Variants in THEMIS2 observed in about 807,000 individuals in gnomAD.
THEMIS2 encodes protein THEMIS2.
THEMIS2 carries 29 observed loss-of-function variants against 46.8 expected under a neutral mutation model. The observed-to-expected ratio is 0.62, with a 90% CI of 0.46 to 0.84. The LOEUF is 0.84. Among genes scored for constraint, THEMIS2 ranks in the 40% least tolerant of loss-of-function variants. The probability of loss-of-function intolerance (pLI) is 0.00; values close to 1 mark genes in which losing one functional copy is unlikely to be tolerated. For missense variants in THEMIS2, 698 were observed against 834.7 expected (o/e 0.84, Z 2.02); for synonymous variants, 335 against 349.1 (o/e 0.96, Z 0.45).
rs1340928658 is a variant in THEMIS2 at position 27,882,572 on chromosome 1, C to G, written c.1248C>G (p.Ser416Arg). 19 of 1,613,978 alleles carry G rather than the reference C, an allele frequency of 1.2e-5. No homozygotes were observed. Among genetic ancestry groups the G allele is most frequent in the Non-Finnish European group, 1.4e-5 (17 of 1,180,022 alleles). ...EEEECKEEAE[S>R]PERVLLPFHF... ...AAGAGTGCAAAGAGGAGGCAGAGAG[C>G]CCAGAGCGGGTCCTGCTGCCCTTCC... The change falls in exon 4 of 6, where the codon AGC (serine) becomes AGG (arginine). Residue 416 changes from serine (S) to arginine (R), a missense_variant. By Grantham distance (110) the Ser-to-Arg change is moderately radical. Coordinates refer to ENST00000373921, the MANE Select transcript of THEMIS2 (RefSeq NM_001105556.3). This position sits in a 1 kb window ranked among gnomAD's most constrained non-coding sequence, Gnocchi z 7.6.
At chr1:27,873,621 G>A (rs2089526982) in intron 1 of THEMIS2, among the ~76,000 whole-genome samples, 3 of 152,174 alleles carry the variant, frequency 2.0e-5, no homozygotes. Context: ...GGTCCCGCAG[G>A]GGGCCACCAC....
In THEMIS2 at chr1:27,882,453, C is replaced by T. The variant is rs2089699007; in HGVS notation, c.1129C>T (p.Leu377=). The T allele has an allele frequency of 1.9e-6, 3 of 1,612,640 alleles. No homozygotes were observed. The highest frequency in any genetic ancestry group is 1.3e-5 in the African/African-American group (1 of 74,910). ...SLAVGDRLEV[L]GPGQAHGAQG... Reference sequence around the variant, plus strand: ...GGCTGTGGGTGACCGGCTGGAGGTGCTGGGGCCTGGCCAGGCCCATGGGGC... The same window carrying T: ...GGCTGTGGGTGACCGGCTGGAGGTGTTGGGGCCTGGCCAGGCCCATGGGGC... The change falls in exon 4 of 6, where the codon CTG becomes TTG. Residue 377 remains leucine (L), a synonymous_variant. Transcript: ENST00000373921. The surrounding 1 kb of genome is among the most constrained non-coding windows in gnomAD (Gnocchi z 7.6).
rs2089746543 is a variant in THEMIS2 at position 27,885,127 on chromosome 1, A to G, written c.1720-168A>G. 4 of 643,748 alleles carry G rather than the reference A, an allele frequency of 6.2e-6. No homozygotes were observed. The African/African-American group carries it at 7.4e-5, about 12-fold the overall frequency. The allele number at this position is 643,748 out of a possible 1,614,324, so 39.9% of individuals were successfully genotyped here. On this transcript the variant is annotated intron_variant, in intron 4 of 5. Transcript: ENST00000373921. ...ATCCCTTTCTCCCTTGCCAGAGAAT[A>G]TTTCACATGCATGTAGCAAAAACAC...
At chr1:27,876,563 G>C (rs199944155) in intron 1 of THEMIS2, 25 bp from the exon 2 acceptor site, 96 of 1,609,766 alleles carry the variant, frequency 6.0e-5, no homozygotes, top group Non-Finnish European at 1.6e-5. Flanking sequence ...TGTCCAATGG[G>C]GAAATGGAGT....
chr1:27,877,368 C>T (rs2089599035), intron 2 of THEMIS2, among the ~76,000 whole-genome samples: 1 of 152,078 alleles, frequency 6.6e-6, no homozygotes, highest in Admixed American at 6.6e-5. Context: ...CTCTGTCACC[C>T]AAGCTGGAGT....
intron 1 of THEMIS2, among the ~76,000 whole-genome samples, chr1:27,875,653 C>G (rs1421475668): frequency 6.6e-6 from 1 of 152,124 alleles, no homozygotes; most frequent in Non-Finnish European, 1.5e-5. Context: ...TGAGCAACTT[C>G]TGTGTTCTCG....
At chr1:27,881,069 C>T (rs755423418) in intron 3 of THEMIS2, among the ~76,000 whole-genome samples, 6 of 151,942 alleles carry the variant, frequency 3.9e-5, no homozygotes, top group Non-Finnish European at 7.4e-5. Flanking sequence ...CGTGAGCCAC[C>T]GAGCACAGCC....
At chr1:27,876,789 T>C (rs2089588624) in intron 2 of THEMIS2, 61 bp downstream of exon 2, 2 of 1,579,130 alleles carry the variant, frequency 1.3e-6, no homozygotes, top group Admixed American at 1.8e-5. Context: ...ACCCGCAGGC[T>C]GCTCGTGGGC....
In THEMIS2 at chr1:27,885,403, G is replaced by A; in HGVS notation, c.1828G>A (p.Ala610Thr). Residue 610 changes from alanine (A) to threonine (T), a missense_variant, in exon 5 of 6, where the codon GCC (alanine) becomes ACC (threonine). By Grantham distance (58) the Ala-to-Thr change is moderately conservative. Coordinates refer to ENST00000373921, the MANE Select transcript of THEMIS2 (RefSeq NM_001105556.3). ...DGSSTYSKIPAHRKGHRPAKP... is the reference protein window; with the variant it reads ...DGSSTYSKIPTHRKGHRPAKP... ...CTCCAGTACGTACAGCAAGATTCCT[G>A]CCCACAGGAAGGGCCACAGGCCCGC... is the stretch of plus-strand genomic sequence containing the variant. The A allele has an allele frequency of 1.2e-6, 2 of 1,614,116 alleles. No individual in the cohort carries two copies. Among genetic ancestry groups the A allele is most frequent in the Non-Finnish European group, 1.7e-6 (2 of 1,180,002 alleles).
At position 27,876,655 on chromosome 1, in the gene THEMIS2, G is replaced by C. The variant is rs1226754819; in HGVS notation, c.162G>C (p.Gln54His). 3 of 1,614,092 alleles carry C rather than the reference G, an allele frequency of 1.9e-6. No individual in the cohort carries two copies. Among genetic ancestry groups the C allele is most frequent in the Non-Finnish European group, 2.5e-6 (3 of 1,180,000 alleles). ...CGGGGGACCTGATCAAGGTCACCCA[G>C]GTCCGCCTCCAGAAGGTGGTCTGTG... The part of the protein sequence containing the change: ...LSTGDLIKVT[Q>H]VRLQKVVCEN... Residue 54 changes from glutamine to histidine, a missense_variant, in exon 2 of 6, where the codon CAG becomes CAC. Gln to His is a conservative substitution (Grantham distance 24, BLOSUM62 0). Coordinates refer to ENST00000373921, the MANE Select transcript of THEMIS2 (RefSeq NM_001105556.3).
In THEMIS2 at chr1:27,885,347, CG is replaced by C; in HGVS notation, c.1773del (p.Lys592ArgfsTer34). On this transcript the variant is annotated frameshift_variant, in exon 5 of 6. Transcript: ENST00000373921. LOFTEE classifies it high-confidence loss of function. ...CACGCTCGGCTGCCCAAACCCAAGG[CG>C]AAGACCTTGCCAGAGTTCATCAAGG... The part of the protein sequence containing the change: ...QQHARLPKPK[A>X]KTLPEFIKDG... 6.2e-7 allele frequency: 1 copy of C among 1,614,152 alleles called. No individual in the cohort carries two copies. Among genetic ancestry groups the C allele is most frequent in the Non-Finnish European group, 8.5e-7 (1 of 1,180,018 alleles).
chr1:27,876,793 C>A, intron 2 of THEMIS2, 65 bp downstream of exon 2: 1 of 1,569,524 alleles, frequency 6.4e-7, no homozygotes, highest in South Asian at 1.2e-5. Context: ...GCAGGCTGCT[C>A]GTGGGCTTGC....
In THEMIS2 at chr1:27,886,058, T is replaced by G. The variant is rs1167335677; in HGVS notation, c.*136T>G. 1.3e-6 allele frequency: 1 copy of G among 766,032 alleles called. No homozygotes were observed. The highest frequency in any genetic ancestry group is 2.2e-6 in the Non-Finnish European group (1 of 454,644). 47.5% of individuals were successfully genotyped at this position (766,032 alleles called of 1,614,324 possible). ...AGACGGGGAGTAGCTTTGTGGAAAC[T>G]GATTTGATGGACACTGCACCAGCTT... On this transcript the variant is annotated 3_prime_UTR_variant, in exon 6 of 6. Coordinates refer to ENST00000373921, the MANE Select transcript of THEMIS2 (RefSeq NM_001105556.3).
At chr1:27,883,302 G>A (rs1198044157) in intron 4 of THEMIS2, 3 of 510,704 alleles carry the variant, frequency 5.9e-6, no homozygotes, top group Non-Finnish European at 7.0e-6. Flanking sequence ...TGGGAGGACT[G>A]AACTTGGCCA....
intron 2 of THEMIS2, among the ~76,000 whole-genome samples, chr1:27,878,685 T>C (rs1171795819): frequency 1.3e-5 from 2 of 152,054 alleles, no homozygotes; most frequent in Non-Finnish European, 2.9e-5. Context: ...CTAAATATTA[T>C]AGTATCTCCC....
chr1:27,872,800 A>G lies in THEMIS2; in HGVS notation c.94+135A>G. The stretch of plus-strand genomic sequence containing the variant: ...ACACTGCCACTGGCCAAGCTGTGTG[A>G]TTTGGGGCCGCACTCAACCTCTTTG... On this transcript the variant is annotated intron_variant, in intron 1 of 5. Coordinates refer to ENST00000373921, the MANE Select transcript of THEMIS2 (RefSeq NM_001105556.3). This position sits in a 1 kb window ranked among gnomAD's most constrained non-coding sequence, Gnocchi z 4.9. 4.2e-6 allele frequency: 3 copies of G among 719,496 alleles called. No homozygotes were observed. Among genetic ancestry groups the G allele is most frequent in the Non-Finnish European group, 3.9e-6 (2 of 510,952 alleles). 44.6% of individuals were successfully genotyped at this position (719,496 alleles called of 1,614,324 possible).
rs1479316965 is a variant in THEMIS2, at chr1:27,882,276, G to T, written c.952G>T (p.Gly318Trp). The T allele has an allele frequency of 7.5e-6, 12 of 1,607,014 alleles. No individual in the cohort carries two copies. The highest frequency in any genetic ancestry group is 1.0e-5 in the Non-Finnish European group (12 of 1,175,786). ...GGTGCCCAGGCACTTCCTGGTGTCA[G>T]GGGGCTACCAAGGCAAGCTGCGGCG... Reference protein sequence around the residue: ...RKVPRHFLVSGGYQGKLRRRP... With the variant: ...RKVPRHFLVSWGYQGKLRRRP... Residue 318 changes from glycine to tryptophan, a missense_variant, in exon 4 of 6, where the codon GGG (glycine) becomes TGG (tryptophan). By Grantham distance (184) the Gly-to-Trp change is radical. Coordinates refer to ENST00000373921, the MANE Select transcript of THEMIS2 (RefSeq NM_001105556.3). This position sits in a 1 kb window ranked among gnomAD's most constrained non-coding sequence, Gnocchi z 7.6.
In THEMIS2 at chr1:27,872,580, G is replaced by C. The variant is rs541141786; in HGVS notation, c.9G>C (p.Pro3=). The C allele has an allele frequency of 1.3e-6, 2 of 1,488,274 alleles. No individual in the cohort carries two copies. Among genetic ancestry groups the C allele is most frequent in the East Asian group, 2.9e-5 (1 of 34,432 alleles). The allele number at this position is 1,488,274 out of a possible 1,614,324, so 92.2% of individuals were successfully genotyped here. The part of the protein sequence containing the change: ME[P]VPLQDFVRAL... The stretch of plus-strand genomic sequence containing the variant: ...AGAGAGCCGCGGGGACCATGGAGCC[G>C]GTGCCGCTGCAGGACTTCGTGCGCG... Residue 3 remains proline (P), a synonymous_variant, in exon 1 of 6, where the codon CCG becomes CCC. Transcript: ENST00000373921. The surrounding 1 kb of genome is among the most constrained non-coding windows in gnomAD (Gnocchi z 4.9).
intron 4 of THEMIS2, 65 bp downstream of exon 4, chr1:27,883,108 TCTGC>T: frequency 7.3e-7 from 1 of 1,370,344 alleles, no homozygotes; most frequent in Non-Finnish European, 1.0e-6. Flanking sequence ...CTTTGTCATG[TCTGC>T]CTGTCATGTT....
Sources: allele counts gnomAD v4.1 joint callset (sites outside exome capture counted in the v4.1 genomes callset), GRCh38; gene constraint gnomAD v4.1.1; non-coding constraint Gnocchi (gnomAD v3.1); transcripts MANE v1.5; gene names NCBI Gene and HGNC (gene_info 2026-07-23, HGNC 2026-07-21).